Variants in XPNPEP1 observed in about 807,000 individuals in gnomAD.
XPNPEP1 encodes X-prolyl aminopeptidase 1, also known as xaa-Pro aminopeptidase 1.
In XPNPEP1, 39 loss-of-function variants were observed where a neutral mutation model predicts 92.4. The observed-to-expected ratio is 0.42, with a 90% CI of 0.33 to 0.55. XPNPEP1 has a LOEUF of 0.55. XPNPEP1 is among the 20% of genes least tolerant of loss of function. The pLI, the probability that XPNPEP1 is intolerant of heterozygous loss-of-function variation, is 0.08. For synonymous variants in XPNPEP1, 307 were observed against 299.4 expected (o/e 1.03, Z -0.26); for missense variants, 654 against 856.1 (o/e 0.76, Z 2.95).
intron 7 of XPNPEP1, 90 bp from the exon 8 acceptor site, chr10:109,886,431 C>A: frequency 8.3e-7 from 1 of 1,206,496 alleles, no homozygotes; most frequent in Non-Finnish European, 1.2e-6. Flanking sequence ...CATCTTTAAT[C>A]AGCACCATTT....
intron 3 of XPNPEP1, among the ~76,000 whole-genome samples, chr10:109,905,504 G>C (rs1335507899): frequency 6.6e-6 from 1 of 152,098 alleles, no homozygotes; most frequent in East Asian, 1.9e-4. Context: ...CACCGTGACT[G>C]GCCCAGCAAA....
Position 109,888,063 on chromosome 10 carries a change from C to A in XPNPEP1, c.638G>T (p.Gly213Val). Residue 213 changes from glycine (G) to valine (V), a missense_variant, in exon 7 of 21, where the codon GGC becomes GTC. By Grantham distance (109) the Gly-to-Val change is moderately radical (BLOSUM62 -3). Coordinates refer to ENST00000502935, the MANE Select transcript of XPNPEP1 (RefSeq NM_020383.4). Reference sequence around the variant, plus strand: ...TTGATTCTGACCTGTGTAATCCAGGCCCAGTGTGAGGAGAGGCTTGCAAGG... The same window carrying A: ...TTGATTCTGACCTGTGTAATCCAGGACCAGTGTGAGGAGAGGCTTGCAAGG... Reference protein sequence around the residue: ...ERPCKPLLTLGLDYTGISWKD... With the variant: ...ERPCKPLLTLVLDYTGISWKD... The A allele has an allele frequency of 6.2e-7, 1 of 1,614,028 alleles. No individual in the cohort carries two copies. The highest frequency in any genetic ancestry group is 1.1e-5 in the South Asian group (1 of 91,064).
intron 5 of XPNPEP1, among the ~76,000 whole-genome samples, chr10:109,889,503 G>C (rs1220140098): frequency 6.6e-6 from 1 of 152,180 alleles, no homozygotes; most frequent in Non-Finnish European, 1.5e-5. Context: ...TGAGCCTCTG[G>C]GTTCCCCAAC....
At chr10:109,871,163 C>G (rs1847448877) in intron 17 of XPNPEP1, 2 of 344,530 alleles carry the variant, frequency 5.8e-6, no homozygotes, top group Non-Finnish European at 1.1e-5. Context: ...GAGGCCGTAT[C>G]AGACATGGAC....
chr10:109,873,535 C>T, intron 15 of XPNPEP1, 108 bp from the exon 16 acceptor site: 2 of 1,322,304 alleles, frequency 1.5e-6, no homozygotes, highest in Admixed American at 3.6e-5. Context: ...TGCTGGTGGG[C>T]ATGTAAAATA....
intron 7 of XPNPEP1, among the ~76,000 whole-genome samples, chr10:109,886,610 T>TA (rs1204846535): frequency 7.2e-5 from 11 of 152,334 alleles, no homozygotes; most frequent in Admixed American, 2.6e-4. Flanking sequence ...CAGGCATAGA[T>TA]ACGTGCCAGG....
Position 109,867,865 on chromosome 10 carries a change from T to C in XPNPEP1, c.1872+749A>G, listed in dbSNP as rs939605584. Among the ~76,000 whole-genome samples the C allele has an allele frequency of 1.3e-5, 2 of 152,246 alleles. No individual in the cohort carries two copies. Among genetic ancestry groups the C allele is most frequent in the African/African-American group, 4.8e-5 (2 of 41,464 alleles). ...GCTTCCAGCTTCCTGGTTTGGGAAC[T>C]GTTTTGTCTGTCTAGTGCTAACAGT... On this transcript the variant is annotated intron_variant, in intron 20 of 20. Transcript: ENST00000502935. This position sits in a 1 kb window ranked among gnomAD's most constrained non-coding sequence, Gnocchi z 4.5.
intron 20 of XPNPEP1, 89 bp from the exon 21 acceptor site, chr10:109,865,401 T>C: frequency 1.3e-6 from 2 of 1,550,364 alleles, no homozygotes; most frequent in Non-Finnish European, 1.8e-6. Flanking sequence ...CCCCATGTGC[T>C]AAGATCACAA....
At chr10:109,916,050 A>G (rs1381211066) in intron 1 of XPNPEP1, among the ~76,000 whole-genome samples, 3 of 152,244 alleles carry the variant, frequency 2.0e-5, no homozygotes, top group Non-Finnish European at 4.4e-5. Context: ...GAAGACAGGG[A>G]AGAGAAGGCA....
At chr10:109,875,214 G>C (rs148171078) in intron 15 of XPNPEP1, among the ~76,000 whole-genome samples, 2,300 of 152,284 alleles carry the variant, frequency 0.015, 26 homozygotes, top group Non-Finnish European at 0.024. Context: ...ACCGGCAGGC[G>C]GTTCATGGGC....
intron 15 of XPNPEP1, among the ~76,000 whole-genome samples, chr10:109,874,428 A>T (rs1247418246): frequency 6.6e-6 from 1 of 152,216 alleles, no homozygotes; most frequent in Admixed American, 6.5e-5. Flanking sequence ...CACACACTAG[A>T]CTATATCCCT....
intron 19 of XPNPEP1, among the ~76,000 whole-genome samples, chr10:109,869,267 C>T (rs1433855052): frequency 3.3e-5 from 5 of 152,252 alleles, no homozygotes; most frequent in East Asian, 1.9e-4. Flanking sequence ...AGCAGATCCC[C>T]GCAGTTAACC....
At chr10:109,888,453 A>T (rs1475901867) in intron 6 of XPNPEP1, 50 bp downstream of exon 6, 1 of 1,531,114 alleles carries the variant, frequency 6.5e-7, no homozygotes, top group East Asian at 2.3e-5. Context: ...ATGGAGGGGA[A>T]TCTAGAAGCC....
At chr10:109,918,147 C>A in intron 1 of XPNPEP1, among the ~76,000 whole-genome samples, 1 of 151,922 alleles carries the variant, frequency 6.6e-6, no homozygotes, top group East Asian at 1.9e-4. Flanking sequence ...AAAGCCCAGG[C>A]ACAATGACTC....
chr10:109,893,393 C>T (rs2133453628), intron 3 of XPNPEP1: 1 of 239,008 alleles, frequency 4.2e-6, no homozygotes, highest in Non-Finnish European at 8.0e-6. Flanking sequence ...CAATAATAGC[C>T]TTCTCCCCTC....
intron 19 of XPNPEP1, among the ~76,000 whole-genome samples, chr10:109,868,948 G>A (rs2133347158): frequency 6.6e-6 from 1 of 152,338 alleles, no homozygotes; most frequent in East Asian, 1.9e-4. Context: ...AAAGGGTGCT[G>A]AGGGGCTCCC....
intron 6 of XPNPEP1, 93 bp downstream of exon 6, chr10:109,888,410 C>T: frequency 7.5e-7 from 1 of 1,334,160 alleles, no homozygotes; most frequent in Non-Finnish European, 1.0e-6. Flanking sequence ...CTGAGCCCCC[C>T]AGTGCTCCAC....
At chr10:109,921,521 A>AC (rs1330088469) in intron 1 of XPNPEP1, among the ~76,000 whole-genome samples, 1 of 152,170 alleles carries the variant, frequency 6.6e-6, no homozygotes, top group African/African-American at 2.4e-5. Flanking sequence ...CCCCCCTGCA[A>AC]CCCCCAGTTC....
intron 1 of XPNPEP1, among the ~76,000 whole-genome samples, chr10:109,917,287 G>T (rs930105478): frequency 6.6e-6 from 1 of 152,128 alleles, no homozygotes; most frequent in African/African-American, 2.4e-5. Context: ...CATCAAGAAT[G>T]CAGGATACAA....
Sources: allele counts gnomAD v4.1 joint callset (sites outside exome capture counted in the v4.1 genomes callset), GRCh38; gene constraint gnomAD v4.1.1; non-coding constraint Gnocchi (gnomAD v3.1); transcripts MANE v1.5; gene names NCBI Gene and HGNC (gene_info 2026-07-23, HGNC 2026-07-21).